The following SLC2A12 variants were observed in gnomAD, a reference collection of about 807,000 sequenced individuals.
SLC2A12 encodes the protein solute carrier family 2 member 12.
A neutral mutation model predicts 41.8 loss-of-function variants in SLC2A12; 23 were observed. The ratio of observed to expected loss-of-function variants is 0.55; its 90% CI spans 0.40 to 0.78. SLC2A12 has a LOEUF of 0.78. Among genes scored for constraint, SLC2A12 ranks in the 30% least tolerant of loss-of-function variants. SLC2A12 has a pLI of 0.00. For synonymous variants in SLC2A12, 295 were observed against 285.9 expected, an observed-to-expected ratio of 1.03 and a Z score of -0.32; for missense variants, 654 against 745.6, an observed-to-expected ratio of 0.88 and a Z score of 1.43.
At chr6:134,035,356 C>A (rs551219130) in intron 1 of SLC2A12, among the ~76,000 whole-genome samples, 1 of 152,248 alleles carries the variant, frequency 6.6e-6, no homozygotes, top group African/African-American at 2.4e-5. Context: ...AGGTCACTCT[C>A]TCCCTTTTCC....
chr6:134,005,659 T>TAA (rs56710009), intron 3 of SLC2A12, among the ~76,000 whole-genome samples: 1,868 of 64,786 alleles, frequency 0.029, 276 homozygotes, highest in East Asian at 0.063. Context: ...GACTCTGTCT[T>TAA]AAAAAAAAAA....
In SLC2A12 at chr6:134,029,789, C is replaced by T. The variant is rs1187814616; in HGVS notation, c.104-68G>A. 91 of 1,511,914 alleles carry T rather than the reference C, an allele frequency of 6.0e-5. 1 individual carries two copies. The South Asian group carries it at 8.8e-4, about 15-fold the overall frequency. The allele number at this position is 1,511,914 out of a possible 1,614,324, so 93.7% of individuals were successfully genotyped here. On this transcript the variant is annotated intron_variant, in intron 1 of 4. Transcript: ENST00000275230. The stretch of plus-strand genomic sequence containing the variant: ...AGATTTTAAACATTTTGTATTTGAG[C>T]GGAGATTTAACCTTGTAGAAGTCTT...
intron 4 of SLC2A12, among the ~76,000 whole-genome samples, chr6:133,993,249 A>C (rs572150145): frequency 6.6e-6 from 1 of 152,082 alleles, no homozygotes; most frequent in East Asian, 1.9e-4. Context: ...CCCACATTTG[A>C]CTCTAACCCC....
intron 2 of SLC2A12, among the ~76,000 whole-genome samples, chr6:134,011,391 G>C (rs1776879558): frequency 6.6e-6 from 1 of 151,978 alleles, no homozygotes; most frequent in South Asian, 2.1e-4. Flanking sequence ...GGAGGTCGAG[G>C]CAGGTGGATC....
At chr6:134,001,485 A>G (rs550863397) in intron 4 of SLC2A12, among the ~76,000 whole-genome samples, 11 of 152,360 alleles carry the variant, frequency 7.2e-5, no homozygotes, top group East Asian at 3.9e-4. Flanking sequence ...AAATTATTAC[A>G]TTACAAAAAA....
intron 2 of SLC2A12, among the ~76,000 whole-genome samples, chr6:134,024,731 T>G (rs778503107): frequency 5.3e-5 from 8 of 152,236 alleles, no homozygotes; most frequent in Non-Finnish European, 1.2e-4. Flanking sequence ...CTTATATAAA[T>G]GGTCATCATG....
intron 2 of SLC2A12, among the ~76,000 whole-genome samples, chr6:134,017,317 G>T (rs1041856325): frequency 6.6e-6 from 1 of 152,084 alleles, no homozygotes; most frequent in African/African-American, 2.4e-5. Flanking sequence ...TCATTCCCTG[G>T]ATATTGGGTC....
In SLC2A12 at chr6:134,029,332, C is replaced by T; in HGVS notation, c.493G>A (p.Gly165Ser). Residue 165 changes from glycine to serine, a missense_variant, in exon 2 of 5, where the codon GGC (glycine) becomes AGC (serine). By Grantham distance (56) the Gly-to-Ser change is moderately conservative. Coordinates refer to ENST00000275230, the MANE Select transcript of SLC2A12 (RefSeq NM_145176.3). ...AGCTCATTCAGTGACACAAGAAGGC[C>T]TCTTCTGTGTTGAGGAGCAATCTCT... ...IAEIAPQHRR[G>S]LLVSLNELMI... 5 of 1,614,168 alleles carry T rather than the reference C, an allele frequency of 3.1e-6. No homozygotes were observed. Among genetic ancestry groups the T allele is most frequent in the Non-Finnish European group, 4.2e-6 (5 of 1,180,030 alleles).
intron 4 of SLC2A12, among the ~76,000 whole-genome samples, chr6:134,001,314 G>T (rs1460171309): frequency 1.3e-5 from 2 of 152,022 alleles, no homozygotes; most frequent in Admixed American, 1.3e-4. Context: ...GAAATAAACT[G>T]TTTTTTAAAT....
rs755484948 is a variant in SLC2A12, at chr6:134,028,802, G to C, written c.1023C>G (p.Val341=). ...CAATGCAGAGGAATGTTTTGCTGCC[G>C]ACATGGTCTACAAGAAGAGTGGCAG... ...TIPATLLVDH[V]GSKTFLCIGS... The change falls in exon 2 of 5, where the codon GTC becomes GTG. Residue 341 remains valine (V), a synonymous_variant. Transcript: ENST00000275230. 1.2e-6 allele frequency: 2 copies of C among 1,614,062 alleles called. No homozygotes were observed. The highest frequency in any genetic ancestry group is 1.7e-6 in the Non-Finnish European group (2 of 1,180,040).
At chr6:134,043,561 G>A (rs140816286) in intron 1 of SLC2A12, among the ~76,000 whole-genome samples, 336 of 152,078 alleles carry the variant, frequency 2.2e-3, no homozygotes, top group African/African-American at 7.7e-3. Flanking sequence ...TTGGGAGGCC[G>A]AGATGGGCGG....
chr6:134,048,495 G>T (rs1018974569), intron 1 of SLC2A12, among the ~76,000 whole-genome samples: 21 of 152,090 alleles, frequency 1.4e-4, no homozygotes, highest in Admixed American at 8.5e-4. Flanking sequence ...CTTGAAACTG[G>T]GAGGCAGAGG....
chr6:134,049,759 A>G (rs1323227558), intron 1 of SLC2A12, among the ~76,000 whole-genome samples: 1 of 152,264 alleles, frequency 6.6e-6, no homozygotes, highest in African/African-American at 2.4e-5. Context: ...TTTCAGTTAA[A>G]GAGGGTTAGT....
chr6:134,037,144 ATTTTTTTTTTTTTTTTT>A (rs533155835), intron 1 of SLC2A12, among the ~76,000 whole-genome samples: 1 of 83,310 alleles, frequency 1.2e-5, no homozygotes, highest in Non-Finnish European at 2.2e-5. Context: ...ACTCGATTCA[ATTTTTTTTTTTTTTTTT>A]TTTTTTTTTT....
chr6:134,041,956 C>A (rs552020644), intron 1 of SLC2A12, among the ~76,000 whole-genome samples: 11 of 152,112 alleles, frequency 7.2e-5, no homozygotes, highest in African/African-American at 2.4e-4. Context: ...ATTTGAAAAC[C>A]GACATCTCCG....
chr6:134,032,070 G>T (rs1289285714), intron 1 of SLC2A12, among the ~76,000 whole-genome samples: 1 of 152,002 alleles, frequency 6.6e-6, no homozygotes, highest in Non-Finnish European at 1.5e-5. Context: ...GGTTGGGGGA[G>T]GGTATAGTTA....
Position 134,038,788 on chromosome 6 carries a change from C to A in SLC2A12, c.104-9067G>T, listed in dbSNP as rs1275993317. Among the ~76,000 whole-genome samples, 10 of 147,950 alleles carry A rather than the reference C, an allele frequency of 6.8e-5. No individual in the cohort carries two copies. In the Admixed American group the frequency reaches 6.8e-4, roughly 10 times the overall value. ...TGGCACAATCTCAGCTCACTGCAAC[C>A]TCTGTCCCTGGGTTCAAGCAATTCT... is the stretch of plus-strand genomic sequence containing the variant. On this transcript the variant is annotated intron_variant, in intron 1 of 4. Coordinates refer to ENST00000275230, the MANE Select transcript of SLC2A12 (RefSeq NM_145176.3).
At chr6:134,043,535 G>A (rs537272582) in intron 1 of SLC2A12, among the ~76,000 whole-genome samples, 6 of 152,008 alleles carry the variant, frequency 3.9e-5, no homozygotes, top group South Asian at 2.1e-4. Context: ...TGGCTCACAC[G>A]TGCAATCCCA....
chr6:133,997,134 G>A (rs912895377), intron 4 of SLC2A12, among the ~76,000 whole-genome samples: 2 of 146,454 alleles, frequency 1.4e-5, no homozygotes, highest in African/African-American at 2.5e-5. Context: ...GCAGGCGCCT[G>A]TAGTCCCAGC....
Sources: allele counts gnomAD v4.1 joint callset (sites outside exome capture counted in the v4.1 genomes callset), GRCh38; gene constraint gnomAD v4.1.1; transcripts MANE v1.5; gene names NCBI Gene and HGNC (gene_info 2026-07-23, HGNC 2026-07-21).